The following PRKG1 variants were observed in gnomAD, a reference collection of about 807,000 sequenced individuals.
PRKG1 encodes the protein protein kinase cGMP-dependent 1, also known as cGMP-dependent protein kinase 1.
PRKG1 carries 35 observed loss-of-function variants against 88.1 expected under a neutral mutation model. That is an observed-to-expected ratio of 0.40 (90% CI 0.30 to 0.53). The LOEUF is 0.53. Ranked by LOEUF, PRKG1 falls within the 20% of genes least tolerant of loss-of-function variation. PRKG1 has a pLI of 0.59. For synonymous variants in PRKG1, 303 were observed against 292.5 expected, an observed-to-expected ratio of 1.04 and a Z score of -0.37; for missense variants, 540 against 839.8, an observed-to-expected ratio of 0.64 and a Z score of 4.41.
At chr10:51,392,764 ACCACCCCCACCTCCCTCCCGGACGGGGCG>A (rs1837447330) in intron 2 of PRKG1, among the ~76,000 whole-genome samples, 1 of 138,148 alleles carries the variant, frequency 7.2e-6, no homozygotes, top group Non-Finnish European at 1.6e-5. Context: ...CGGGGGGCTG[ACCACCCCCACCTCCCTCCCGGACGGGGCG>A]GCTGGCCGGG....
At chr10:51,888,402 A>G (rs1841627330) in intron 4 of PRKG1, among the ~76,000 whole-genome samples, 2 of 152,222 alleles carry the variant, frequency 1.3e-5, no homozygotes, top group Non-Finnish European at 2.9e-5. Context: ...CTTCTTTCCC[A>G]TCATACTGTA....
chr10:51,488,599 T>C (rs1303551015), intron 3 of PRKG1, among the ~76,000 whole-genome samples: 2 of 152,156 alleles, frequency 1.3e-5, no homozygotes, highest in African/African-American at 2.4e-5. Context: ...TGGCTTGAAA[T>C]GTAATCATGC....
chr10:51,960,980 T>G (rs2133071065), intron 5 of PRKG1, among the ~76,000 whole-genome samples: 1 of 152,296 alleles, frequency 6.6e-6, no homozygotes, highest in South Asian at 2.1e-4. Context: ...GCTCATTTGA[T>G]ATGTGTTCTG....
chr10:51,040,465 C>A (rs148141242), intron 1 of PRKG1, among the ~76,000 whole-genome samples: 1 of 151,362 alleles, frequency 6.6e-6, no homozygotes, highest in Admixed American at 6.6e-5. Context: ...ATTACAGGTG[C>A]CCTCCAATAC....
intron 1 of PRKG1, among the ~76,000 whole-genome samples, chr10:51,080,814 A>G (rs1266846860): frequency 6.6e-6 from 1 of 151,960 alleles, no homozygotes; most frequent in African/African-American, 2.4e-5. Context: ...CTTCCCTCTC[A>G]CCATCTTCTG....
At chr10:51,465,505 A>G (rs1164332416) in intron 2 of PRKG1, among the ~76,000 whole-genome samples, 3 of 152,218 alleles carry the variant, frequency 2.0e-5, no homozygotes, top group African/African-American at 4.8e-5. Flanking sequence ...AAATTGTTAC[A>G]TATTATTCTT....
chr10:51,339,411 T>A (rs919213790), intron 2 of PRKG1, among the ~76,000 whole-genome samples: 1 of 152,076 alleles, frequency 6.6e-6, no homozygotes, highest in African/African-American at 2.4e-5. Flanking sequence ...CTGAAATATT[T>A]ATTTCAGAAA....
chr10:52,253,878 C>A (rs1029094204), intron 10 of PRKG1, among the ~76,000 whole-genome samples: 1 of 151,266 alleles, frequency 6.6e-6, no homozygotes, highest in South Asian at 2.1e-4. Flanking sequence ...CGTCCTTAAC[C>A]TTTTACGGCC....
chr10:51,094,188 C>T (rs528044411), intron 1 of PRKG1, among the ~76,000 whole-genome samples: 5 of 152,026 alleles, frequency 3.3e-5, no homozygotes, highest in African/African-American at 7.2e-5. Context: ...GCATAGAAAA[C>T]ACTTATGCAG....
chr10:51,180,941 T>C (rs1445134841), intron 2 of PRKG1, among the ~76,000 whole-genome samples: 2 of 152,240 alleles, frequency 1.3e-5, no homozygotes, highest in Non-Finnish European at 2.9e-5. Flanking sequence ...TTTAGGGCTC[T>C]GATCTCTTTG....
At chr10:52,005,405 GT>G (rs1844707907) in intron 5 of PRKG1, among the ~76,000 whole-genome samples, 1 of 152,058 alleles carries the variant, frequency 6.6e-6, no homozygotes, top group African/African-American at 2.4e-5. Context: ...CAGTGCCCAT[GT>G]TTTTAAAAGG....
At chr10:51,277,004 G>A (rs1194521355) in intron 2 of PRKG1, among the ~76,000 whole-genome samples, 2 of 152,150 alleles carry the variant, frequency 1.3e-5, no homozygotes, top group Non-Finnish European at 2.9e-5. Flanking sequence ...TGTTGCCATT[G>A]CTTTTGGTGT....
At chr10:52,074,181 A>G (rs907533368) in intron 7 of PRKG1, among the ~76,000 whole-genome samples, 1 of 152,206 alleles carries the variant, frequency 6.6e-6, no homozygotes, top group Admixed American at 6.5e-5. Context: ...AATAAAATAC[A>G]TTAGTTTTAA....
chr10:51,163,542 A>T (rs996602655), intron 2 of PRKG1, among the ~76,000 whole-genome samples: 2 of 152,150 alleles, frequency 1.3e-5, no homozygotes, highest in Non-Finnish European at 1.5e-5. Flanking sequence ...TGGGCGCAAG[A>T]CAGTGGGTGC....
chr10:51,961,308 T>C (rs1843442121), intron 5 of PRKG1, among the ~76,000 whole-genome samples: 1 of 152,008 alleles, frequency 6.6e-6, no homozygotes, highest in Non-Finnish European at 1.5e-5. Context: ...GGGTTTTGCA[T>C]CCCAGGAATA....
chr10:51,649,528 T>C (rs1228963410), intron 3 of PRKG1, among the ~76,000 whole-genome samples: 1 of 152,178 alleles, frequency 6.6e-6, no homozygotes, highest in Non-Finnish European at 1.5e-5. Context: ...GTGTTATTAT[T>C]CTGAAGGTAA....
intron 5 of PRKG1, among the ~76,000 whole-genome samples, chr10:52,047,760 G>C (rs1845897388): frequency 6.6e-6 from 1 of 152,118 alleles, no homozygotes; most frequent in South Asian, 2.1e-4. Flanking sequence ...ATATTAGGGA[G>C]AGGTAAGAAT....
intron 3 of PRKG1, among the ~76,000 whole-genome samples, chr10:51,541,996 C>T (rs1318147964): frequency 2.0e-5 from 3 of 151,976 alleles, no homozygotes; most frequent in Non-Finnish European, 4.4e-5. Context: ...TCTGAACCAC[C>T]AGAGACACTC....
chr10:52,212,955 G>A (rs1205545719), intron 9 of PRKG1, among the ~76,000 whole-genome samples: 2 of 152,082 alleles, frequency 1.3e-5, no homozygotes, highest in Non-Finnish European at 2.9e-5. Flanking sequence ...AGATATACAT[G>A]GGAAAGTTCA....
Sources: gnomAD v4.1 joint callset for allele counts (sites outside exome capture counted in the v4.1 genomes callset) on GRCh38, gnomAD v4.1.1 for gene constraint, MANE v1.5 for transcripts, NCBI Gene and HGNC (gene_info 2026-07-23, HGNC 2026-07-21) for gene names.